PCCA: variants seen among roughly 807,000 people sequenced by gnomAD.
The protein encoded by PCCA is propionyl-CoA carboxylase subunit alpha.
A neutral mutation model predicts 101.3 loss-of-function variants in PCCA; 74 were observed. The observed-to-expected ratio is 0.73, with a 90% CI of 0.61 to 0.89. The LOEUF is 0.89. PCCA is among the 40% of genes least tolerant of loss of function. The probability of loss-of-function intolerance (pLI) is 0.00; values close to 1 mark genes in which losing one functional copy is unlikely to be tolerated. For missense variants in PCCA, 891 were observed against 907.0 expected (o/e 0.98, Z 0.23); for synonymous variants, 294 against 313.6 (o/e 0.94, Z 0.66).
intron 7 of PCCA, among the ~76,000 whole-genome samples, chr13:100,226,588 G>A (rs950900621): frequency 6.6e-6 from 1 of 152,194 alleles, no homozygotes; most frequent in Non-Finnish European, 1.5e-5. Flanking sequence ...CTGTTCACCA[G>A]CAATACCGAG....
intron 8 of PCCA, among the ~76,000 whole-genome samples, chr13:100,257,107 T>C (rs1354115586): frequency 1.3e-5 from 2 of 152,202 alleles, no homozygotes; most frequent in African/African-American, 4.8e-5. Context: ...AATACCATCA[T>C]GTCACTTCTT....
intron 4 of PCCA, among the ~76,000 whole-genome samples, chr13:100,116,129 A>T (rs547184141): frequency 1.3e-5 from 2 of 152,234 alleles, no homozygotes; most frequent in African/African-American, 4.8e-5. Context: ...GGTTACTATC[A>T]TAGCTAATCA....
At chr13:100,134,622 T>C (rs1018789379) in intron 4 of PCCA, among the ~76,000 whole-genome samples, 1 of 151,914 alleles carries the variant, frequency 6.6e-6, no homozygotes, top group Non-Finnish European at 1.5e-5. Flanking sequence ...AGTTGTGTGA[T>C]CATAGCTCAC....
At chr13:100,127,688 C>T (rs57838783) in intron 4 of PCCA, among the ~76,000 whole-genome samples, 3 of 151,342 alleles carry the variant, frequency 2.0e-5, no homozygotes, top group African/African-American at 4.9e-5. Context: ...GTCAGGAGAT[C>T]GAGACCATCC....
At chr13:100,141,189 A>G (rs966398951) in intron 4 of PCCA, among the ~76,000 whole-genome samples, 8 of 152,080 alleles carry the variant, frequency 5.3e-5, no homozygotes, top group Non-Finnish European at 8.8e-5. Flanking sequence ...TTTTTCTTCT[A>G]CCATCCTTTC....
chr13:100,497,144 T>C (rs947735076), intron 21 of PCCA, among the ~76,000 whole-genome samples: 3 of 152,130 alleles, frequency 2.0e-5, no homozygotes, highest in Admixed American at 2.0e-4. Context: ...AATGGGGAAT[T>C]GGGGGGAAGA....
intron 6 of PCCA, among the ~76,000 whole-genome samples, chr13:100,164,873 C>A (rs1423182845): frequency 6.6e-6 from 1 of 152,174 alleles, no homozygotes; most frequent in Non-Finnish European, 1.5e-5. Flanking sequence ...CCCCTGGTAA[C>A]CTTCCTTTTA....
chr13:100,107,434 G>A (rs2047909345), intron 2 of PCCA, among the ~76,000 whole-genome samples: 1 of 152,082 alleles, frequency 6.6e-6, no homozygotes, highest in African/African-American at 2.4e-5. Context: ...TACGCCTACA[G>A]TCCCTGCGCT....
chr13:100,525,587 G>GT (rs1374469386), intron 22 of PCCA, among the ~76,000 whole-genome samples: 2 of 152,272 alleles, frequency 1.3e-5, no homozygotes, highest in Admixed American at 1.3e-4. Context: ...CATATTTGCA[G>GT]TTGAGTTGCT....
At chr13:100,506,344 A>C (rs2086076623) in intron 21 of PCCA, among the ~76,000 whole-genome samples, 1 of 111,366 alleles carries the variant, frequency 9.0e-6, no homozygotes. Context: ...ACCAGCGCTC[A>C]TTTCTGCTAC....
chr13:100,458,331 ACAC>A (rs1211587936), intron 21 of PCCA, among the ~76,000 whole-genome samples: 1 of 106,870 alleles, frequency 9.4e-6, no homozygotes, highest in East Asian at 2.7e-4. Context: ...ACACACACAC[ACAC>A]ACACACACAC....
At chr13:100,269,108 G>A (rs1414711129) in intron 11 of PCCA, among the ~76,000 whole-genome samples, 3 of 152,106 alleles carry the variant, frequency 2.0e-5, no homozygotes, top group South Asian at 2.1e-4. Context: ...TCAGCCTCCC[G>A]AAGTGCTGGG....
In PCCA at chr13:100,153,221, A is replaced by C. The variant is rs2053547582; in HGVS notation, c.301-1758A>C. Among the ~76,000 whole-genome samples, 4 of 152,334 alleles carry C rather than the reference A, an allele frequency of 2.6e-5. No individual in the cohort carries two copies. In the South Asian group the frequency reaches 8.3e-4, roughly 32 times the overall value. ...ACATAACATTGGGCTAGGGGAGATTAAAAAAAGAATTTAAGGCGTAACCTT... is the reference window on the plus strand; with the variant it reads ...ACATAACATTGGGCTAGGGGAGATTCAAAAAAGAATTTAAGGCGTAACCTT... On this transcript the variant is annotated intron_variant, in intron 4 of 23. Transcript: ENST00000376285.
intron 21 of PCCA, among the ~76,000 whole-genome samples, chr13:100,456,000 A>G (rs144176253): frequency 2.0e-5 from 3 of 152,274 alleles, no homozygotes; most frequent in Non-Finnish European, 4.4e-5. Context: ...ATGCCCGGCC[A>G]TATGCAATAG....
intron 21 of PCCA, chr13:100,477,426 C>T (rs2083499344): frequency 6.6e-6 from 1 of 152,100 alleles, no homozygotes; most frequent in Admixed American, 6.5e-5. Context: ...GTTGGAAATT[C>T]AGTGAATAAG....
intron 1 of PCCA, among the ~76,000 whole-genome samples, chr13:100,095,257 C>T (rs1411416652): frequency 6.6e-6 from 1 of 152,172 alleles, no homozygotes; most frequent in Non-Finnish European, 1.5e-5. Flanking sequence ...GATTTCATCT[C>T]AAGATCCTTC....
At chr13:100,308,383 A>G (rs936703919) in intron 15 of PCCA, among the ~76,000 whole-genome samples, 2 of 152,012 alleles carry the variant, frequency 1.3e-5, no homozygotes. Context: ...GGAGTGCAGT[A>G]TCATGATCTT....
chr13:100,462,165 A>G (rs374021032), intron 21 of PCCA, among the ~76,000 whole-genome samples: 3 of 152,340 alleles, frequency 2.0e-5, no homozygotes, highest in East Asian at 1.9e-4. Flanking sequence ...ATGAAATGGA[A>G]TATAAATGTA....
intron 21 of PCCA, among the ~76,000 whole-genome samples, chr13:100,502,710 A>G (rs563236449): frequency 1.4e-3 from 212 of 152,292 alleles, no homozygotes; most frequent in African/African-American, 4.7e-3. Context: ...CTTTCTGTTG[A>G]TTGGTGTGAA....
Sources: gnomAD v4.1 joint callset for allele counts (sites outside exome capture counted in the v4.1 genomes callset) on GRCh38, gnomAD v4.1.1 for gene constraint, MANE v1.5 for transcripts, NCBI Gene and HGNC (gene_info 2026-07-23, HGNC 2026-07-21) for gene names.